The following ATN1 variants were observed in gnomAD, a reference collection of about 807,000 sequenced individuals.
ATN1 encodes the protein atrophin-1.
In ATN1, 19 loss-of-function variants were observed where a neutral mutation model predicts 85.8. That is an observed-to-expected ratio of 0.22 (90% CI 0.15 to 0.32). The LOEUF is 0.32. Among genes scored for constraint, ATN1 ranks in the 10% least tolerant of loss-of-function variants. The pLI is 1.00. For synonymous variants in ATN1, 674 were observed against 657.0 expected, an observed-to-expected ratio of 1.03 and a Z score of -0.39; for missense variants, 1,453 against 1,564.5, an observed-to-expected ratio of 0.93 and a Z score of 1.20.
chr12:6,934,511 G>A lies in ATN1; in HGVS notation c.212G>A (p.Gly71Asp). ...TCCACCCCAAAGGTCAACAAGCAGG[G>A]TCGGAGTGAGGAGATCTCAGAGAGT... ...EASTPKVNKQGRSEEISESES... is the reference protein window; with the variant it reads ...EASTPKVNKQDRSEEISESES... The change falls in exon 4 of 10, where the codon GGT (glycine) becomes GAT (aspartate). Residue 71 changes from glycine (G) to aspartate (D), a missense_variant. Coordinates refer to ENST00000396684, the MANE Select transcript of ATN1 (RefSeq NM_001940.4). This position sits in a 1 kb window ranked among gnomAD's most constrained non-coding sequence, Gnocchi z 4.5. 2 of 1,588,406 alleles carry A rather than the reference G, an allele frequency of 1.3e-6. No individual in the cohort carries two copies. Among genetic ancestry groups the A allele is most frequent in the Non-Finnish European group, 1.7e-6 (2 of 1,166,802 alleles).
rs929952092 is a variant in ATN1, at chr12:6,936,938, C to G, written c.1671C>G (p.Ser557=). 8.1e-6 allele frequency: 13 copies of G among 1,614,034 alleles called. No individual in the cohort carries two copies. The Admixed American group carries it at 8.3e-5, about 10-fold the overall frequency. ...AHLPPPHSQV[S]YSQAGPNGPP... is the part of the protein sequence containing the mutation. ...TGCCCCCACCTCACAGCCAGGTGTCCTACAGCCAAGCAGGCCCCAATGGCC... is the reference window on the plus strand; with the variant it reads ...TGCCCCCACCTCACAGCCAGGTGTCGTACAGCCAAGCAGGCCCCAATGGCC... Residue 557 remains serine (S), a synonymous_variant, in exon 5 of 10, where the codon TCC becomes TCG. Transcript: ENST00000396684.
chr12:6,924,461 A>AGGACGCCATACT (rs1214164642), upstream of ATN1: 2 of 152,246 alleles, frequency 1.3e-5, no homozygotes, highest in Non-Finnish European at 2.9e-5. Flanking sequence ...AGAGTTTTGC[A>AGGACGCCATACT]GGACGCCATA....
intron 7 of ATN1, among the ~76,000 whole-genome samples, chr12:6,939,722 C>T (rs1263579139): frequency 6.6e-6 from 1 of 151,950 alleles, no homozygotes; most frequent in African/African-American, 2.4e-5. Context: ...TGGCTGGTCT[C>T]AAATTCCTGA....
chr12:6,937,259 C>T lies in ATN1; in HGVS notation c.1992C>T (p.Ser664=). 1 of 1,611,058 alleles carries T rather than the reference C, an allele frequency of 6.2e-7. No homozygotes were observed. Among genetic ancestry groups the T allele is most frequent in the East Asian group, 2.2e-5 (1 of 44,762 alleles). ...GATACAAACCCGGGTCGCCTCCCTC[C>T]TTCCGAACGGGGACCCCACCGGGCT... The part of the protein sequence containing the change: ...PPGYKPGSPP[S]FRTGTPPGYR... Residue 664 remains serine, a synonymous_variant, in exon 5 of 10, where the codon TCC becomes TCT. Transcript: ENST00000396684. This position sits in a 1 kb window ranked among gnomAD's most constrained non-coding sequence, Gnocchi z 6.0.
Position 6,938,461 on chromosome 12 carries a change from C to G in ATN1, c.2518-20C>G. 1.9e-6 allele frequency: 3 copies of G among 1,588,580 alleles called. No homozygotes were observed. Among genetic ancestry groups the G allele is most frequent in the Non-Finnish European group, 2.6e-6 (3 of 1,162,710 alleles). On this transcript the variant is annotated intron_variant, in intron 6 of 9. Coordinates refer to ENST00000396684, the MANE Select transcript of ATN1 (RefSeq NM_001940.4). Reference sequence around the variant, plus strand: ...TTTCATAACTGCCGCTTTGACTCCACTTTTCCCTGTATCCCACAGAAGTTG... The same window carrying G: ...TTTCATAACTGCCGCTTTGACTCCAGTTTTCCCTGTATCCCACAGAAGTTG...
In ATN1 at chr12:6,931,344, T is replaced by G. The variant is rs1372225625; in HGVS notation, c.-162-2496T>G. Among the ~76,000 whole-genome samples, 18 of 148,856 alleles carry G rather than the reference T, an allele frequency of 1.2e-4. No homozygotes were observed. The East Asian group carries it at 3.5e-3, about 29-fold the overall frequency. ...TGTTCTTCGGATTTTTTTTTTTTTT[T>G]GGTTGATAGTATTTTAAAACCAGTC... On this transcript the variant is annotated intron_variant, in intron 1 of 9. Coordinates refer to ENST00000396684, the MANE Select transcript of ATN1 (RefSeq NM_001940.4).
At position 6,941,279 on chromosome 12, in the gene ATN1, A is replaced by G. The variant is rs1555144585; in HGVS notation, c.3359-95A>G. 5.5e-6 allele frequency: 8 copies of G among 1,451,900 alleles called. No individual in the cohort carries two copies. The South Asian group carries it at 8.2e-5, about 15-fold the overall frequency. The allele number at this position is 1,451,900 out of a possible 1,614,324, so 89.9% of individuals were successfully genotyped here. ...GGTGTGTTACCTCACTTTTTAGTTCATTACCTTTGTATGTAAAGGAGCTGG... is the reference window on the plus strand; with the variant it reads ...GGTGTGTTACCTCACTTTTTAGTTCGTTACCTTTGTATGTAAAGGAGCTGG... On this transcript the variant is annotated intron_variant, in intron 8 of 9. Transcript: ENST00000396684. This position sits in a 1 kb window ranked among gnomAD's most constrained non-coding sequence, Gnocchi z 5.9.
Position 6,937,409 on chromosome 12 carries a change from C to G in ATN1, c.2142C>G (p.Ala714=), listed in dbSNP as rs1555143973. Residue 714 remains alanine, a synonymous_variant, in exon 5 of 10, where the codon GCC becomes GCG. Coordinates refer to ENST00000396684, the MANE Select transcript of ATN1 (RefSeq NM_001940.4). This position sits in a 1 kb window ranked among gnomAD's most constrained non-coding sequence, Gnocchi z 6.0. ...GLPSLPPPPA[A]PASGPPLSAT... is the part of the protein sequence containing the mutation. ...CATCGCTGCCACCACCACCTGCGGC[C>G]CCTGCCTCAGGGCCGCCCCTGAGCG... 5 of 1,548,216 alleles carry G rather than the reference C, an allele frequency of 3.2e-6. No homozygotes were observed. In the East Asian group the frequency reaches 9.8e-5, roughly 30 times the overall value.
chr12:6,938,854 C>T lies in ATN1; in HGVS notation c.2891C>T (p.Pro964Leu). Residue 964 changes from proline (P) to leucine (L), a missense_variant, in exon 7 of 10, where the codon CCT (proline) becomes CTT (leucine). Physicochemically the swap from Pro to Leu is moderately conservative, Grantham distance 98. Transcript: ENST00000396684. ...PSELEPLHGV[P>L]GPGLDPFPRH... ...GAGCTGGAACCCCTACATGGGGTCC[C>T]TGGGCCGGGCTTGGATCCCTTTCCC... The T allele has an allele frequency of 1.9e-6, 3 of 1,614,162 alleles. No homozygotes were observed. The highest frequency in any genetic ancestry group is 1.6e-4 in the Middle Eastern group (1 of 6,062).
chr12:6,941,687 G>A lies in ATN1; in HGVS notation c.3540-60G>A. 6.3e-7 allele frequency: 1 copy of A among 1,598,244 alleles called. No homozygotes were observed. The highest frequency in any genetic ancestry group is 8.6e-7 in the Non-Finnish European group (1 of 1,165,716). ...CTCCCAACCCCTTCGGTAAGAGGGGGCAAGGTCAGAGTTGGTCTCAAGTCT... is the reference window on the plus strand; with the variant it reads ...CTCCCAACCCCTTCGGTAAGAGGGGACAAGGTCAGAGTTGGTCTCAAGTCT... On this transcript the variant is annotated intron_variant, in intron 9 of 9. Transcript: ENST00000396684. This position sits in a 1 kb window ranked among gnomAD's most constrained non-coding sequence, Gnocchi z 5.9.
chr12:6,937,774 G>GGGCCGC lies in ATN1; in HGVS notation c.2295-67_2295-62dup. The GGGCCGC allele has an allele frequency of 1.4e-6, 2 of 1,473,086 alleles. No individual in the cohort carries two copies. Among genetic ancestry groups the GGGCCGC allele is most frequent in the Non-Finnish European group, 1.8e-6 (2 of 1,113,678 alleles). The allele number at this position is 1,473,086 out of a possible 1,614,324, so 91.3% of individuals were successfully genotyped here. A position where few individuals can be genotyped will look rare whatever the true frequency, so the allele number is the denominator to read the frequency against. On this transcript the variant is annotated intron_variant, in intron 5 of 9. Coordinates refer to ENST00000396684, the MANE Select transcript of ATN1 (RefSeq NM_001940.4). This position sits in a 1 kb window ranked among gnomAD's most constrained non-coding sequence, Gnocchi z 6.0. ...AGGCGGGGGCTACAAGCACTCGCCG[G>GGGCCGC]GGCCGCGGCGCTGCGGGCTCCATCG...
In ATN1 at chr12:6,935,675, C is replaced by T. The variant is rs147993402; in HGVS notation, c.408C>T (p.Tyr136=). The change falls in exon 5 of 10, where the codon TAC becomes TAT. Residue 136 remains tyrosine, a synonymous_variant. Transcript: ENST00000396684. This position sits in a 1 kb window ranked among gnomAD's most constrained non-coding sequence, Gnocchi z 5.3. ...QDNRSTSPSI[Y]SPGSVENDSD... ...ACCGAAGCACGTCCCCCAGTATCTACAGCCCTGGAAGTGTGGAGAATGACT... is the reference window on the plus strand; with the variant it reads ...ACCGAAGCACGTCCCCCAGTATCTATAGCCCTGGAAGTGTGGAGAATGACT... 11,904 of 1,614,012 alleles carry T rather than the reference C, an allele frequency of 7.4e-3. 64 individuals are homozygous for T. The highest frequency in any genetic ancestry group is 9.3e-3 in the Non-Finnish European group (10,959 of 1,179,936).
In ATN1 at chr12:6,938,941, C is replaced by G; in HGVS notation, c.2978C>G (p.Pro993Arg). The change falls in exon 7 of 10, where the codon CCG (proline) becomes CGG (arginine). Residue 993 changes from proline to arginine, a missense_variant. By Grantham distance (103) the Pro-to-Arg change is moderately radical (BLOSUM62 -2). This residue lies in a region of ATN1 where 208 missense variants were observed against 263.4 expected (regional missense o/e 0.79). Transcript: ENST00000396684. ...GGCCTGCACCCTTTCCCCTTTCATC[C>G]GAGCCTGGGGCCCCTGGAGCGAGAA... is the stretch of plus-strand genomic sequence containing the variant. ...PPGLHPFPFH[P>R]SLGPLERERL... The G allele has an allele frequency of 6.2e-7, 1 of 1,613,926 alleles. No individual in the cohort carries two copies. Among genetic ancestry groups the G allele is most frequent in the Non-Finnish European group, 8.5e-7 (1 of 1,179,970 alleles).
In ATN1 at chr12:6,937,858, C is replaced by G; in HGVS notation, c.2308C>G (p.Leu770Val). The change falls in exon 6 of 10, where the codon CTG becomes GTG. Residue 770 changes from leucine (L) to valine (V), a missense_variant. Coordinates refer to ENST00000396684, the MANE Select transcript of ATN1 (RefSeq NM_001940.4). The surrounding 1 kb of genome is among the most constrained non-coding windows in gnomAD (Gnocchi z 6.0). ...CACGCCCGGCAGGTTCAACAAACAC[C>G]TGGATCGCGGCTTCAACTCGTGCGC... ...ASQSARFNKH[L>V]DRGFNSCARS... The G allele has an allele frequency of 6.3e-7, 1 of 1,578,932 alleles. No individual in the cohort carries two copies. Among genetic ancestry groups the G allele is most frequent in the South Asian group, 1.2e-5 (1 of 86,602 alleles).
In ATN1 at chr12:6,937,261, T is replaced by C. The variant is rs781832831; in HGVS notation, c.1994T>C (p.Phe665Ser). The stretch of plus-strand genomic sequence containing the variant: ...TACAAACCCGGGTCGCCTCCCTCCT[T>C]CCGAACGGGGACCCCACCGGGCTAT... Reference protein sequence around the residue: ...PGYKPGSPPSFRTGTPPGYRG... With the variant: ...PGYKPGSPPSSRTGTPPGYRG... The change falls in exon 5 of 10, where the codon TTC becomes TCC. Residue 665 changes from phenylalanine (F) to serine (S), a missense_variant. By Grantham distance (155) the Phe-to-Ser change is radical. Transcript: ENST00000396684. The surrounding 1 kb of genome is among the most constrained non-coding windows in gnomAD (Gnocchi z 6.0). The C allele has an allele frequency of 6.2e-7, 1 of 1,610,306 alleles. No individual in the cohort carries two copies. Among genetic ancestry groups the C allele is most frequent in the Non-Finnish European group, 8.5e-7 (1 of 1,179,114 alleles).
rs1555143704 is a variant in ATN1, at chr12:6,936,559, C to T, written c.1292C>T (p.Ser431Phe). The stretch of plus-strand genomic sequence containing the variant: ...CAGCCCCCCAAGTATACTCAGCCTT[C>T]TCTCCCATCCCAGGCTGTGTGGAGC... ...SNQPPKYTQP[S>F]LPSQAVWSQG... The change falls in exon 5 of 10, where the codon TCT becomes TTT. Residue 431 changes from serine (S) to phenylalanine (F), a missense_variant. Transcript: ENST00000396684. The T allele has an allele frequency of 6.2e-7, 1 of 1,611,044 alleles. No homozygotes were observed. The highest frequency in any genetic ancestry group is 1.3e-5 in the African/African-American group (1 of 74,440).
rs782364312 is a variant in ATN1 at position 6,937,682 on chromosome 12, T to C, written c.2294+121T>C. On this transcript the variant is annotated intron_variant, in intron 5 of 9. Transcript: ENST00000396684. This position sits in a 1 kb window ranked among gnomAD's most constrained non-coding sequence, Gnocchi z 6.0. ...GTAGTGTTTTAGAAAAGCACGCCCC[T>C]CTCCTCCGTCCAGGCCTAGTGGCCA... 948 of 1,430,136 alleles carry C rather than the reference T, an allele frequency of 6.6e-4. No homozygotes were observed. Among genetic ancestry groups the C allele is most frequent in the Non-Finnish European group, 8.3e-4 (906 of 1,090,872 alleles). 88.6% of individuals were successfully genotyped at this position (1,430,136 alleles called of 1,614,324 possible).
rs200911009 is a variant in ATN1 at position 6,941,042 on chromosome 12, G to A, written c.3358+19G>A. On this transcript the variant is annotated intron_variant, in intron 8 of 9. Transcript: ENST00000396684. The surrounding 1 kb of genome is among the most constrained non-coding windows in gnomAD (Gnocchi z 5.9). ...CTCTTTGGTAAGGATGGAAGTTGGG[G>A]TAGGCAGCTCCAATGAGAAAAGGGC... 102 of 1,613,716 alleles carry A rather than the reference G, an allele frequency of 6.3e-5. No homozygotes were observed. In the Middle Eastern group the frequency reaches 9.9e-4, roughly 16 times the overall value.
In ATN1 at chr12:6,936,918, C is replaced by T; in HGVS notation, c.1651C>T (p.Pro551Ser). The change falls in exon 5 of 10, where the codon CCA (proline) becomes TCA (serine). Residue 551 changes from proline (P) to serine (S), a missense_variant. This residue lies in a region of ATN1 where 990 missense variants were observed against 914.8 expected (regional missense o/e 1.08). Coordinates refer to ENST00000396684, the MANE Select transcript of ATN1 (RefSeq NM_001940.4). The stretch of plus-strand genomic sequence containing the variant: ...CCCACCAGGGCCAGCACACCTGCCC[C>T]CACCTCACAGCCAGGTGTCCTACAG... Reference protein sequence around the residue: ...PYPPGPAHLPPPHSQVSYSQA... With the variant: ...PYPPGPAHLPSPHSQVSYSQA... 6.2e-7 allele frequency: 1 copy of T among 1,614,096 alleles called. No individual in the cohort carries two copies. Among genetic ancestry groups the T allele is most frequent in the Non-Finnish European group, 8.5e-7 (1 of 1,180,004 alleles).
Sources: gnomAD v4.1 joint callset for allele counts (sites outside exome capture counted in the v4.1 genomes callset) on GRCh38, gnomAD v4.1.1 for gene constraint, gnomAD v4.1.1 regional missense constraint, Gnocchi (gnomAD v3.1) non-coding constraint, MANE v1.5 for transcripts, NCBI Gene and HGNC (gene_info 2026-07-23, HGNC 2026-07-21) for gene names.